The following AMD1 variants were observed in gnomAD, a reference collection of about 807,000 sequenced individuals.
The protein encoded by AMD1 is S-adenosylmethionine decarboxylase proenzyme.
In AMD1, 11 loss-of-function variants were observed where a neutral mutation model predicts 40.2. The ratio of observed to expected loss-of-function variants is 0.27; its 90% CI spans 0.17 to 0.45. AMD1 has a LOEUF of 0.45. Ranked by LOEUF, AMD1 falls within the 20% of genes least tolerant of loss-of-function variation. AMD1 has a pLI of 1.00. For missense variants in AMD1, 257 were observed against 410.2 expected (o/e 0.63, Z 3.23); for synonymous variants, 121 against 130.8 (o/e 0.93, Z 0.51).
the AMD1 span, among the ~76,000 whole-genome samples, chr6:110,844,948 G>A: frequency 6.6e-6 from 1 of 151,834 alleles, no homozygotes; most frequent in African/African-American, 2.4e-5. Context: ...CATCACAGAA[G>A]GTGAAATGGG....
Position 110,893,621 on chromosome 6 carries a change from GA to G in AMD1, c.*10del. 1 of 1,609,914 alleles carries G rather than the reference GA, an allele frequency of 6.2e-7. No individual in the cohort carries two copies. The highest frequency in any genetic ancestry group is 2.2e-5 in the East Asian group (1 of 44,860). On this transcript the variant is annotated 3_prime_UTR_variant, in exon 9 of 9. Coordinates refer to ENST00000368885, the MANE Select transcript of AMD1 (RefSeq NM_001634.6). ...CAGCAACAACAGCAGAGTTGATTAAGAAAAATGAAGAAAAAACGCAAAAAGA... is the reference window on the plus strand; with the variant it reads ...CAGCAACAACAGCAGAGTTGATTAAGAAAATGAAGAAAAAACGCAAAAAGA...
At chr6:110,821,394 C>G in the AMD1 span, among the ~76,000 whole-genome samples, 3 of 151,918 alleles carry the variant, frequency 2.0e-5, no homozygotes, top group Non-Finnish European at 4.4e-5. Context: ...GTCAAGAGTT[C>G]AAGACCAGCC....
chr6:110,831,777 A>G, the AMD1 span, among the ~76,000 whole-genome samples: 1,588 of 152,286 alleles, frequency 0.01, 29 homozygotes, highest in African/African-American at 0.036. Flanking sequence ...CTTTGACAAC[A>G]CTTTTCCCAT....
At chr6:110,855,943 C>T in the AMD1 span, among the ~76,000 whole-genome samples, 6 of 151,946 alleles carry the variant, frequency 3.9e-5, no homozygotes, top group Non-Finnish European at 5.9e-5. Flanking sequence ...AGTCAAGCAT[C>T]GTGGCACATG....
the AMD1 span, among the ~76,000 whole-genome samples, chr6:110,869,264 G>A: frequency 6.6e-6 from 1 of 151,578 alleles, no homozygotes; most frequent in Non-Finnish European, 1.5e-5. Context: ...CCAAGTAGCT[G>A]GGACTACAGG....
chr6:110,826,271 C>CAAAA, the AMD1 span, among the ~76,000 whole-genome samples: 7 of 59,330 alleles, frequency 1.2e-4, no homozygotes, highest in African/African-American at 1.4e-4. Flanking sequence ...GACACCATCC[C>CAAAA]AAAAAAAAAA....
At chr6:110,844,807 A>G in the AMD1 span, among the ~76,000 whole-genome samples, 2 of 151,880 alleles carry the variant, frequency 1.3e-5, no homozygotes, top group Admixed American at 1.3e-4. Flanking sequence ...AGAAAGAAAG[A>G]AAGAAAAAAG....
chr6:110,821,735 A>G, the AMD1 span, among the ~76,000 whole-genome samples: 5 of 152,340 alleles, frequency 3.3e-5, no homozygotes, highest in East Asian at 1.9e-4. Flanking sequence ...CCTTGTCTCA[A>G]AATAAAATAA....
the AMD1 span, chr6:110,848,698 T>C: frequency 8.9e-6 from 3 of 337,538 alleles, no homozygotes; most frequent in African/African-American, 6.5e-5. Context: ...AGTTAACTGA[T>C]GGAGTATTGA....
At chr6:110,852,408 T>A in the AMD1 span, among the ~76,000 whole-genome samples, 1 of 151,554 alleles carries the variant, frequency 6.6e-6, no homozygotes, top group Admixed American at 6.6e-5. Context: ...TTTTAGTAGA[T>A]ACAGGGTTTC....
Sources: allele counts gnomAD v4.1 joint callset (sites outside exome capture counted in the v4.1 genomes callset), GRCh38; gene constraint gnomAD v4.1.1; transcripts MANE v1.5; gene names NCBI Gene and HGNC (gene_info 2026-07-23, HGNC 2026-07-21).